CAMK1D: variants seen among roughly 807,000 people sequenced by gnomAD.
CAMK1D encodes calcium/calmodulin dependent protein kinase ID.
A neutral mutation model predicts 47.7 loss-of-function variants in CAMK1D; 9 were observed. The ratio of observed to expected loss-of-function variants is 0.19; its 90% CI spans 0.11 to 0.33. The LOEUF is 0.33. Among genes scored for constraint, CAMK1D ranks in the 10% least tolerant of loss-of-function variants. The pLI, the probability that CAMK1D is intolerant of heterozygous loss-of-function variation, is 1.00. For synonymous variants in CAMK1D, 184 were observed against 184.9 expected, an observed-to-expected ratio of 0.99 and a Z score of 0.04; for missense variants, 291 against 488.7, an observed-to-expected ratio of 0.60 and a Z score of 3.81.
chr10:12,794,173 G>A (rs10906224), intron 6 of CAMK1D, among the ~76,000 whole-genome samples: 47,871 of 152,014 alleles, frequency 0.31, 7,762 homozygotes, highest in Admixed American at 0.37. Context: ...TGGGCAGAGT[G>A]GTGAAGAGAT....
intron 1 of CAMK1D, among the ~76,000 whole-genome samples, chr10:12,506,816 C>G (rs1042942593): frequency 6.6e-6 from 1 of 152,226 alleles, no homozygotes; most frequent in Non-Finnish European, 1.5e-5. Flanking sequence ...CCGCGCCCGG[C>G]CTGGGCTCTT....
At chr10:12,797,939 G>C (rs1299831694) in intron 6 of CAMK1D, among the ~76,000 whole-genome samples, 1 of 152,116 alleles carries the variant, frequency 6.6e-6, no homozygotes, top group Non-Finnish European at 1.5e-5. Context: ...CAACAGTGAG[G>C]GGGGAAACTT....
chr10:12,806,381 C>A (rs1838732149), intron 6 of CAMK1D, among the ~76,000 whole-genome samples: 1 of 152,188 alleles, frequency 6.6e-6, no homozygotes, highest in Non-Finnish European at 1.5e-5. Context: ...TTAATGTAAG[C>A]TTCCCAGCCT....
chr10:12,823,744 C>T lies in CAMK1D; in HGVS notation c.834-721C>T, dbSNP rs560650303. On this transcript the variant is annotated intron_variant, in intron 8 of 10. Coordinates refer to ENST00000619168, the MANE Select transcript of CAMK1D (RefSeq NM_153498.4). ...AGGGCTCAGGTGAATGCAGGGTGGA[C>T]GCCGTCCTTGAAGTTCTAAGAATTT... Among the ~76,000 whole-genome samples, 10 of 152,032 alleles carry T rather than the reference C, an allele frequency of 6.6e-5. No homozygotes were observed. In the South Asian group the frequency reaches 1.5e-3, roughly 22 times the overall value.
intron 1 of CAMK1D, among the ~76,000 whole-genome samples, chr10:12,399,608 A>G (rs145581324): frequency 2.8e-4 from 43 of 152,338 alleles, no homozygotes; most frequent in Non-Finnish European, 5.9e-4. Context: ...TATGACACCT[A>G]ATGAAGGGGT....
intron 5 of CAMK1D, among the ~76,000 whole-genome samples, chr10:12,777,363 CTTTTTTTTTTTT>C (rs869192068): frequency 1.2e-4 from 11 of 88,524 alleles, no homozygotes; most frequent in Non-Finnish European, 1.6e-4. Flanking sequence ...TTTGGTTGAA[CTTTTTTTTTTTT>C]TTTTTTTTTT....
At chr10:12,657,399 T>C (rs1057107060) in intron 2 of CAMK1D, among the ~76,000 whole-genome samples, 4 of 146,336 alleles carry the variant, frequency 2.7e-5, no homozygotes, top group Non-Finnish European at 6.1e-5. Context: ...CACTCCAGCC[T>C]AGTGATGGAG....
At chr10:12,374,633 T>G (rs1021594682) in intron 1 of CAMK1D, among the ~76,000 whole-genome samples, 6 of 152,166 alleles carry the variant, frequency 3.9e-5, no homozygotes, top group Admixed American at 3.3e-4. Flanking sequence ...TTGTCCTATA[T>G]TTTTCTTTTT....
chr10:12,578,771 C>T (rs1837572143), intron 2 of CAMK1D: 1 of 153,992 alleles, frequency 6.5e-6, no homozygotes, highest in Admixed American at 6.6e-5. Context: ...GAGTTGACCT[C>T]CACAGGGCCA....
At position 12,666,797 on chromosome 10, in the gene CAMK1D, T is replaced by A; in HGVS notation, c.286T>A (p.Leu96Met). 6.2e-7 allele frequency: 1 copy of A among 1,613,652 alleles called. No homozygotes were observed. The highest frequency in any genetic ancestry group is 8.5e-7 in the Non-Finnish European group (1 of 1,179,526). Reference protein sequence around the residue: ...DIYESPNHLYLVMQLVSGGEL... With the variant: ...DIYESPNHLYMVMQLVSGGEL... ...TTATGAAAGCCCAAATCACCTGTACTTGGTCATGCAGCTGTAAGTACCTTG... is the reference window on the plus strand; with the variant it reads ...TTATGAAAGCCCAAATCACCTGTACATGGTCATGCAGCTGTAAGTACCTTG... Residue 96 changes from leucine (L) to methionine (M), a missense_variant, in exon 3 of 11, where the codon TTG becomes ATG. Coordinates refer to ENST00000619168, the MANE Select transcript of CAMK1D (RefSeq NM_153498.4).
At chr10:12,548,447 CTTTT>C (rs35061502) in intron 1 of CAMK1D, among the ~76,000 whole-genome samples, 4,658 of 81,404 alleles carry the variant, frequency 0.057, 133 homozygotes, top group African/African-American at 0.19. Context: ...CCATTTTAAG[CTTTT>C]TTTTTTTTTT....
chr10:12,488,318 A>C (rs1834276710), intron 1 of CAMK1D, among the ~76,000 whole-genome samples: 1 of 152,150 alleles, frequency 6.6e-6, no homozygotes, highest in African/African-American at 2.4e-5. Context: ...AGTATGAGGA[A>C]ATGACTATCT....
intron 1 of CAMK1D, among the ~76,000 whole-genome samples, chr10:12,505,407 TA>T (rs747248073): frequency 1.3e-5 from 2 of 152,162 alleles, no homozygotes; most frequent in Non-Finnish European, 2.9e-5. Flanking sequence ...ACTATAATTT[TA>T]AAGGCAGTAA....
intron 1 of CAMK1D, among the ~76,000 whole-genome samples, chr10:12,488,926 C>G (rs1021401199): frequency 2.4e-4 from 36 of 152,148 alleles, no homozygotes; most frequent in Admixed American, 2.0e-3. Context: ...GCTGTGCAGC[C>G]TTTTATTTAT....
intron 1 of CAMK1D, among the ~76,000 whole-genome samples, chr10:12,521,705 A>T (rs1042173341): frequency 5.3e-5 from 8 of 152,204 alleles, no homozygotes; most frequent in Non-Finnish European, 8.8e-5. Flanking sequence ...CCATCCAAGT[A>T]TAATGTTGGA....
intron 2 of CAMK1D, among the ~76,000 whole-genome samples, chr10:12,612,329 T>C (rs1838653009): frequency 6.8e-6 from 1 of 148,116 alleles, no homozygotes; most frequent in Admixed American, 7.0e-5. Context: ...GGGCTTTAAT[T>C]AATTAATTAC....
At chr10:12,484,300 C>A (rs1004875707) in intron 1 of CAMK1D, among the ~76,000 whole-genome samples, 1 of 152,234 alleles carries the variant, frequency 6.6e-6, no homozygotes, top group African/African-American at 2.4e-5. Flanking sequence ...CGCCATCTCT[C>A]TTCGTGTTTC....
chr10:12,645,435 C>A (rs1839785995), intron 2 of CAMK1D, among the ~76,000 whole-genome samples: 2 of 152,222 alleles, frequency 1.3e-5, no homozygotes, highest in Non-Finnish European at 2.9e-5. Context: ...ATGTGGGATT[C>A]ACTGGTTGAC....
intron 1 of CAMK1D, among the ~76,000 whole-genome samples, chr10:12,446,873 T>G (rs1395428775): frequency 3.3e-5 from 5 of 152,192 alleles, no homozygotes; most frequent in African/African-American, 1.2e-4. Flanking sequence ...TGACTTCCTT[T>G]GAGAATTCTT....
Sources: allele counts gnomAD v4.1 joint callset (sites outside exome capture counted in the v4.1 genomes callset), GRCh38; gene constraint gnomAD v4.1.1; transcripts MANE v1.5; gene names NCBI Gene and HGNC (gene_info 2026-07-23, HGNC 2026-07-21).